The following ZC3H18 variants were observed in gnomAD, a reference collection of about 807,000 sequenced individuals.
The protein encoded by ZC3H18 is zinc finger CCCH-type containing 18.
A neutral mutation model predicts 106.1 loss-of-function variants in ZC3H18; 8 were observed. The ratio of observed to expected loss-of-function variants is 0.08; its 90% confidence interval spans 0.04 to 0.14. The LOEUF (loss-of-function observed/expected upper bound fraction) is 0.14. Among genes scored for constraint, ZC3H18 ranks in the 10% least tolerant of loss-of-function variants. ZC3H18 has a pLI of 1.00. For missense variants in ZC3H18, 1,318 were observed against 1,278.4 expected (o/e 1.03, Z -0.47); for synonymous variants, 635 against 522.1 (o/e 1.22, Z -2.95).
intron 8 of ZC3H18, among the ~76,000 whole-genome samples, chr16:88,614,001 C>G (rs972597072): frequency 6.6e-6 from 1 of 152,186 alleles, no homozygotes; most frequent in Non-Finnish European, 1.5e-5. Flanking sequence ...TCACCGTCCC[C>G]GTGGGGGTGA....
chr16:88,629,839 C>T (rs1357484238), intron 16 of ZC3H18, among the ~76,000 whole-genome samples: 4 of 152,356 alleles, frequency 2.6e-5, no homozygotes, highest in East Asian at 3.9e-4. Context: ...ACAGACACTC[C>T]CAGACACAGA....
chr16:88,612,896 G>A (rs535140870), intron 8 of ZC3H18, among the ~76,000 whole-genome samples: 3 of 152,078 alleles, frequency 2.0e-5, no homozygotes, highest in South Asian at 2.1e-4. Flanking sequence ...CCAGCTACTC[G>A]GGAGGCTAAT....
chr16:88,586,770 T>G, intron 3 of ZC3H18, 86 bp downstream of exon 3: 1 of 1,068,998 alleles, frequency 9.4e-7, no homozygotes. Flanking sequence ...TGCCAGGCCC[T>G]GCTCTGCTCA....
chr16:88,622,316 C>G lies in ZC3H18; in HGVS notation c.1595C>G (p.Ser532Trp). ...SKSPKKKLGVSVSPSRARRRR... is the reference protein window; with the variant it reads ...SKSPKKKLGVWVSPSRARRRR... ...TCTCCCAAGAAGAAACTCGGGGTGT[C>G]GGTCTCCCCGAGCCGGGCTCGAAGG... The change falls in exon 9 of 18, where the codon TCG (serine) becomes TGG (tryptophan). Residue 532 changes from serine (S) to tryptophan (W), a missense_variant. Physicochemically the swap from Ser to Trp is radical, Grantham distance 177. This residue lies in a region of ZC3H18 where 848 missense variants were observed against 821.7 expected (regional missense o/e 1.03). Transcript: ENST00000301011. 1 of 1,613,868 alleles carries G rather than the reference C, an allele frequency of 6.2e-7. No individual in the cohort carries two copies. Among genetic ancestry groups the G allele is most frequent in the South Asian group, 1.1e-5 (1 of 91,028 alleles).
intron 2 of ZC3H18, among the ~76,000 whole-genome samples, chr16:88,583,903 A>G (rs1413066073): frequency 6.6e-6 from 1 of 152,114 alleles, no homozygotes; most frequent in East Asian, 1.9e-4. Context: ...CATGAGCAGA[A>G]GGCCATCGGC....
intron 6 of ZC3H18, among the ~76,000 whole-genome samples, chr16:88,601,814 C>T (rs1175016015): frequency 6.6e-6 from 1 of 152,080 alleles, no homozygotes; most frequent in African/African-American, 2.4e-5. Flanking sequence ...TCCCCCGAGA[C>T]CTGGTGAGTC....
Position 88,631,732 on chromosome 16 carries a change from C to A in ZC3H18, c.*433C>A, listed in dbSNP as rs985019087. On this transcript the variant is annotated 3_prime_UTR_variant, in exon 18 of 18. Transcript: ENST00000301011. The stretch of plus-strand genomic sequence containing the variant: ...CCACTGGTGGCACATCCTTCTCCTC[C>A]CCCGCCCCTGATCACCCGCCCCCGG... The A allele has an allele frequency of 2.2e-5, 9 of 409,216 alleles. No individual in the cohort carries two copies. Among genetic ancestry groups the A allele is most frequent in the African/African-American group, 1.7e-4 (8 of 48,320 alleles). 25.3% of individuals were successfully genotyped at this position (409,216 alleles called of 1,614,324 possible).
intron 3 of ZC3H18, among the ~76,000 whole-genome samples, chr16:88,593,146 C>T (rs1915850460): frequency 6.6e-6 from 1 of 152,288 alleles, no homozygotes; most frequent in East Asian, 1.9e-4. Context: ...CATCTGATGA[C>T]GTGGGATGAA....
At chr16:88,590,356 A>G (rs895984740) in intron 3 of ZC3H18, among the ~76,000 whole-genome samples, 1 of 152,198 alleles carries the variant, frequency 6.6e-6, no homozygotes, top group African/African-American at 2.4e-5. Flanking sequence ...TGCACTGGGA[A>G]CACACCTTGC....
At chr16:88,616,713 G>C (rs1296002096) in intron 8 of ZC3H18, among the ~76,000 whole-genome samples, 1 of 152,098 alleles carries the variant, frequency 6.6e-6, no homozygotes, top group African/African-American at 2.4e-5. Flanking sequence ...ATCATTAGGT[G>C]GATAGAAAGA....
At chr16:88,617,617 C>A (rs1295460930) in intron 8 of ZC3H18, among the ~76,000 whole-genome samples, 1 of 152,202 alleles carries the variant, frequency 6.6e-6, no homozygotes, top group Non-Finnish European at 1.5e-5. Flanking sequence ...TATTCAACTT[C>A]CAGGTTTACC....
chr16:88,611,389 A>G lies in ZC3H18; in HGVS notation c.1328A>G (p.Asp443Gly), dbSNP rs2142749505. Reference protein sequence around the residue: ...ERERERERERDKERQRRKEEW... With the variant: ...ERERERERERGKERQRRKEEW... ...GAGCGAGAGCGGGAGCGCGAGCGCG[A>G]CAAGGAGCGGCAGCGGAGGAAGGAG... The change falls in exon 8 of 18, where the codon GAC (aspartate) becomes GGC (glycine). Residue 443 changes from aspartate (D) to glycine (G), a missense_variant. Asp to Gly is a moderately conservative substitution (Grantham distance 94). Coordinates refer to ENST00000301011, the MANE Select transcript of ZC3H18 (RefSeq NM_144604.4). 1 of 1,181,768 alleles carries G rather than the reference A, an allele frequency of 8.5e-7. No individual in the cohort carries two copies. Among genetic ancestry groups the G allele is most frequent in the South Asian group, 1.3e-5 (1 of 76,752 alleles). The allele number at this position is 1,181,768 out of a possible 1,614,324, so 73.2% of individuals were successfully genotyped here.
At chr16:88,595,997 G>A (rs898706037) in intron 3 of ZC3H18, among the ~76,000 whole-genome samples, 1 of 152,186 alleles carries the variant, frequency 6.6e-6, no homozygotes, top group Non-Finnish European at 1.5e-5. Context: ...GTGTGTCCCA[G>A]CTAGACGTGC....
intron 8 of ZC3H18, among the ~76,000 whole-genome samples, chr16:88,616,098 G>A (rs1905584761): frequency 6.6e-6 from 1 of 152,222 alleles, no homozygotes; most frequent in African/African-American, 2.4e-5. Flanking sequence ...TGGCCACCAG[G>A]CAGCAGGTTG....
chr16:88,622,365 A>C lies in ZC3H18; in HGVS notation c.1644A>C (p.Ser548=), dbSNP rs774851864. The C allele has an allele frequency of 1.2e-6, 2 of 1,611,490 alleles. No homozygotes were observed. The highest frequency in any genetic ancestry group is 2.2e-5 in the South Asian group (2 of 90,670). Residue 548 remains serine (S), a synonymous_variant, in exon 9 of 18, where the codon TCA becomes TCC. Transcript: ENST00000301011. ...ARRRRKTSAS[S]ASASNSSRSS... ...GGCGTCGGAAAACATCAGCCTCGTC[A>C]GCCTCTGCCTCTAATTCCTCCAGGT...
At chr16:88,611,813 C>G (rs1905288827) in intron 8 of ZC3H18, among the ~76,000 whole-genome samples, 2 of 152,232 alleles carry the variant, frequency 1.3e-5, no homozygotes, top group Admixed American at 1.3e-4. Flanking sequence ...TTACAGTCCA[C>G]GTGCAAACAT....
At chr16:88,612,681 A>C (rs1905339511) in intron 8 of ZC3H18, among the ~76,000 whole-genome samples, 1 of 145,454 alleles carries the variant, frequency 6.9e-6, no homozygotes, top group Non-Finnish European at 1.5e-5. Context: ...CCTGTATCTA[A>C]AAAAAAAAAA....
intron 4 of ZC3H18, 115 bp from the exon 5 acceptor site, chr16:88,598,505 A>C: frequency 7.0e-7 from 1 of 1,438,460 alleles, no homozygotes; most frequent in Non-Finnish European, 9.5e-7. Flanking sequence ...GCTTGGTGGA[A>C]GGAGAGCGGC....
chr16:88,628,891 A>ATGGGAG (rs1195976223), intron 16 of ZC3H18, 37 bp downstream of exon 16: 5 of 1,610,554 alleles, frequency 3.1e-6, no homozygotes, highest in Non-Finnish European at 3.4e-6. Flanking sequence ...GGGCAGAGGG[A>ATGGGAG]CGGGAGCCTG....
Sources: allele counts gnomAD v4.1 joint callset (sites outside exome capture counted in the v4.1 genomes callset), GRCh38; gene constraint gnomAD v4.1.1; regional missense constraint gnomAD v4.1.1; transcripts MANE v1.5; gene names NCBI Gene and HGNC (gene_info 2026-07-23, HGNC 2026-07-21).